The following LMBR1 variants were observed in gnomAD, a reference collection of about 807,000 sequenced individuals.
LMBR1 encodes the protein limb region 1 protein homolog.
Under a neutral mutation model 73.9 loss-of-function variants are expected in LMBR1, and 52 were observed. That is an observed-to-expected ratio of 0.70 (90% confidence interval 0.56 to 0.89). The LOEUF is 0.89. Among genes scored for constraint, LMBR1 ranks in the 40% least tolerant of loss-of-function variants. The probability of loss-of-function intolerance (pLI) is 0.00; values close to 1 mark genes in which losing one functional copy is unlikely to be tolerated. For synonymous variants in LMBR1, 215 were observed against 209.4 expected (o/e 1.03, Z -0.23); for missense variants, 539 against 579.8 (o/e 0.93, Z 0.72).
chr7:156,759,645 A>C (rs1822596271), intron 8 of LMBR1, among the ~76,000 whole-genome samples: 1 of 152,244 alleles, frequency 6.6e-6, no homozygotes, highest in Non-Finnish European at 1.5e-5. Context: ...AGAAACAAAG[A>C]CAAGACTTTG....
intron 15 of LMBR1, among the ~76,000 whole-genome samples, chr7:156,695,543 G>A (rs1808103952): frequency 6.6e-6 from 1 of 151,970 alleles, no homozygotes; most frequent in East Asian, 1.9e-4. Context: ...CAAAGGGTTG[G>A]GGGAGGCACC....
chr7:156,702,593 T>C (rs571616712), intron 15 of LMBR1, among the ~76,000 whole-genome samples: 29 of 152,360 alleles, frequency 1.9e-4, no homozygotes, highest in African/African-American at 7.0e-4. Context: ...TAGTTTCTTT[T>C]GCTGACACAA....
intron 15 of LMBR1, among the ~76,000 whole-genome samples, chr7:156,719,072 T>C (rs1299058351): frequency 1.3e-5 from 2 of 151,814 alleles, no homozygotes; most frequent in Non-Finnish European, 2.9e-5. Context: ...CATGCTGGTG[T>C]GCTGCACCCA....
intron 4 of LMBR1, among the ~76,000 whole-genome samples, chr7:156,814,052 G>A (rs1833522318): frequency 6.6e-6 from 1 of 152,052 alleles, no homozygotes; most frequent in Non-Finnish European, 1.5e-5. Flanking sequence ...AGTGCACCAA[G>A]AATAAGATAC....
chr7:156,674,630 G>A (rs1803387466), downstream of LMBR1, among the ~76,000 whole-genome samples: 1 of 152,010 alleles, frequency 6.6e-6, no homozygotes, highest in African/African-American at 2.4e-5. Flanking sequence ...AGCATTGATG[G>A]CCCCAAGCAC....
At chr7:156,817,610 T>C (rs1017029275) in intron 4 of LMBR1, among the ~76,000 whole-genome samples, 1 of 152,114 alleles carries the variant, frequency 6.6e-6, no homozygotes, top group Non-Finnish European at 1.5e-5. Flanking sequence ...AAATAACAAC[T>C]ACCAATGAAA....
intron 15 of LMBR1, among the ~76,000 whole-genome samples, chr7:156,697,059 G>C (rs1191925501): frequency 6.6e-6 from 1 of 152,198 alleles, no homozygotes; most frequent in Non-Finnish European, 1.5e-5. Flanking sequence ...GAGAGAGAGA[G>C]ACAGTACAAA....
At chr7:156,688,841 C>T (rs1018550765) in intron 15 of LMBR1, among the ~76,000 whole-genome samples, 1 of 151,966 alleles carries the variant, frequency 6.6e-6, no homozygotes, top group Admixed American at 6.6e-5. Context: ...TCTATAAGAA[C>T]AGGAACTTTG....
chr7:156,765,941 A>C (rs751429373), intron 5 of LMBR1, among the ~76,000 whole-genome samples: 4 of 152,230 alleles, frequency 2.6e-5, no homozygotes, highest in Non-Finnish European at 5.9e-5. Flanking sequence ...CCCACTGTCC[A>C]AAAGAAGTTG....
chr7:156,791,921 T>G lies in LMBR1; in HGVS notation c.423+4468A>C, dbSNP rs78890432. Among the ~76,000 whole-genome samples, 1,332 of 152,306 alleles carry G rather than the reference T, an allele frequency of 8.7e-3. 21 individuals carry two copies. Among genetic ancestry groups the G allele is most frequent in the Middle Eastern group, 0.037 (11 of 294 alleles). ...CCCAGAAAAATCTTGGGTTTATGAA[T>G]TAATCTGTCATAAATTTTACATAAC... On this transcript the variant is annotated intron_variant, in intron 5 of 16. Transcript: ENST00000353442.
intron 4 of LMBR1, among the ~76,000 whole-genome samples, chr7:156,817,632 T>C (rs146134473): frequency 3.7e-4 from 57 of 152,296 alleles, no homozygotes; most frequent in Admixed American, 9.2e-4. Context: ...GTGGGACTTT[T>C]TATCTTCACA....
At chr7:156,787,058 G>C (rs1470804296) in intron 5 of LMBR1, among the ~76,000 whole-genome samples, 1 of 152,118 alleles carries the variant, frequency 6.6e-6, no homozygotes, top group Non-Finnish European at 1.5e-5. Context: ...TGAGCTCGCA[G>C]GGGAGACTTT....
intron 1 of LMBR1, among the ~76,000 whole-genome samples, chr7:156,842,443 T>C (rs924984546): frequency 6.6e-5 from 10 of 152,104 alleles, no homozygotes; most frequent in Admixed American, 6.5e-4. Context: ...TTTTAAGACT[T>C]GAGATTATCT....
chr7:156,856,955 T>C (rs564685992), intron 1 of LMBR1, among the ~76,000 whole-genome samples: 8 of 152,022 alleles, frequency 5.3e-5, no homozygotes, highest in Admixed American at 2.0e-4. Context: ...AAAGTGAAGG[T>C]AGATTACTTG....
chr7:156,806,445 T>C (rs1012376053), intron 4 of LMBR1, among the ~76,000 whole-genome samples: 1 of 138,778 alleles, frequency 7.2e-6, no homozygotes, highest in African/African-American at 2.6e-5. Flanking sequence ...CCTTTCCAAC[T>C]TCAGTGACTT....
chr7:156,834,024 A>G (rs1837170918), intron 2 of LMBR1, among the ~76,000 whole-genome samples: 1 of 152,200 alleles, frequency 6.6e-6, no homozygotes, highest in South Asian at 2.1e-4. Flanking sequence ...GATTAATAAA[A>G]CTACCATATG....
chr7:156,712,350 A>T (rs73489733), intron 15 of LMBR1, among the ~76,000 whole-genome samples: 11,983 of 150,852 alleles, frequency 0.079, 644 homozygotes, highest in East Asian at 0.16. Context: ...ATTAAAAAGT[A>T]AAAAAAAACA....
intron 1 of LMBR1, among the ~76,000 whole-genome samples, chr7:156,839,047 CTTTTTTTTT>C (rs1164786244): frequency 8.1e-5 from 8 of 98,520 alleles, no homozygotes; most frequent in East Asian, 3.1e-4. Flanking sequence ...TAGTCCTTTG[CTTTTTTTTT>C]TTTTTTTTTT....
intron 5 of LMBR1, among the ~76,000 whole-genome samples, chr7:156,778,564 T>G (rs1826564567): frequency 6.6e-6 from 1 of 152,218 alleles, no homozygotes; most frequent in Non-Finnish European, 1.5e-5. Flanking sequence ...GGTGGCAAAT[T>G]TTTTACCTTC....
Sources: allele counts gnomAD v4.1 joint callset (sites outside exome capture counted in the v4.1 genomes callset), GRCh38; gene constraint gnomAD v4.1.1; transcripts MANE v1.5; gene names NCBI Gene and HGNC (gene_info 2026-07-23, HGNC 2026-07-21).